The following RERE variants were observed in gnomAD, a reference collection of about 807,000 sequenced individuals.
RERE encodes the protein arginine-glutamic acid dipeptide repeats.
In RERE, 40 loss-of-function variants were observed where a neutral mutation model predicts 146.1. The ratio of observed to expected loss-of-function variants is 0.27; its 90% CI spans 0.21 to 0.36. The LOEUF (loss-of-function observed/expected upper bound fraction) is 0.36, where lower values mean the gene tolerates loss of function less well. Among genes scored for constraint, RERE ranks in the 10% least tolerant of loss-of-function variants. RERE has a pLI of 1.00. For missense variants in RERE, 1,933 were observed against 2,138.7 expected (o/e 0.90, Z 1.90); for synonymous variants, 1,003 against 866.0 (o/e 1.16, Z -2.78).
chr1:8,597,553 A>T (rs1646569839), intron 4 of RERE, among the ~76,000 whole-genome samples: 1 of 152,218 alleles, frequency 6.6e-6, no homozygotes, highest in Admixed American at 6.5e-5. Context: ...AAAATTCCAT[A>T]ATTAAAACAC....
chr1:8,694,029 CAAAAAA>C (rs144018056), intron 1 of RERE, among the ~76,000 whole-genome samples: 1 of 120,566 alleles, frequency 8.3e-6, no homozygotes, highest in Non-Finnish European at 1.7e-5. Flanking sequence ...TTTTCTTTCC[CAAAAAA>C]AAAAAAAAAA....
At chr1:8,637,992 C>T (rs1356337573) in intron 2 of RERE, among the ~76,000 whole-genome samples, 1 of 152,210 alleles carries the variant, frequency 6.6e-6, no homozygotes, top group South Asian at 2.1e-4. Flanking sequence ...AGTCCAACAA[C>T]ACAGAACTAG....
Position 8,369,644 on chromosome 1 carries a change from AACTGTCATCC to A in RERE, c.1285-3680_1285-3671del, listed in dbSNP as rs540580035. Among the ~76,000 whole-genome samples, 403 of 152,196 alleles carry A rather than the reference AACTGTCATCC, an allele frequency of 2.6e-3. 1 individual carries two copies. Among genetic ancestry groups the A allele is most frequent in the Admixed American group, 4.6e-3 (71 of 15,290 alleles). On this transcript the variant is annotated intron_variant, in intron 12 of 22. Transcript: ENST00000400908. ...TTCAGGAAGGTGACAGGGTGACCAG[AACTGTCATCC>A]ACTGCTGGTGGAAATACAGAATGCT...
intron 7 of RERE, 36 bp downstream of exon 7, chr1:8,541,178 G>C (rs201336239): frequency 1.1e-4 from 132 of 1,148,192 alleles, no homozygotes; most frequent in Non-Finnish European, 1.7e-4. Flanking sequence ...AAAAGGAAAA[G>C]AGTTCTCAAT....
intron 1 of RERE, among the ~76,000 whole-genome samples, chr1:8,695,776 C>T (rs1006784137): frequency 1.6e-4 from 24 of 151,614 alleles, no homozygotes; most frequent in African/African-American, 5.6e-4. Context: ...ACAAAACTGT[C>T]AACAAAGTAA....
intron 9 of RERE, among the ~76,000 whole-genome samples, chr1:8,495,622 T>C (rs1453577974): frequency 6.6e-6 from 1 of 152,072 alleles, no homozygotes. Context: ...CAAAAATAAA[T>C]TTAAGTTCCT....
intron 1 of RERE, among the ~76,000 whole-genome samples, chr1:8,686,263 G>A (rs1639084324): frequency 6.6e-6 from 1 of 152,122 alleles, no homozygotes; most frequent in African/African-American, 2.4e-5. Context: ...GATTACAGGT[G>A]TAAGCCACTG....
chr1:8,674,028 T>G (rs1638780571), intron 1 of RERE, among the ~76,000 whole-genome samples: 1 of 152,156 alleles, frequency 6.6e-6, no homozygotes, highest in Non-Finnish European at 1.5e-5. Flanking sequence ...ATAAGACCTA[T>G]CTCAAAAATA....
Position 8,358,688 on chromosome 1 carries a change from G to A in RERE, c.3847C>T (p.Pro1283Ser), listed in dbSNP as rs778692247. 4.3e-5 allele frequency: 69 copies of A among 1,588,336 alleles called. 1 individual carries two copies. The Middle Eastern group carries it at 8.5e-4, about 19-fold the overall frequency. Residue 1283 changes from proline to serine, a missense_variant, in exon 20 of 23, where the codon CCC becomes TCC. Physicochemically the swap from Pro to Ser is moderately conservative, Grantham distance 74. Around this residue, in one of 11 missense-constraint regions of RERE, gnomAD observed 1,255 missense variants for 1,153.8 expected, o/e 1.09. Transcript: ENST00000400908. ...PFYMPLNPTD[P>S]LLAYHMPGLY... ...CCAGGCATGTGGTAGGCCAGCAGGG[G>A]GTCCGTGGGGTTAAGGGGCATGTAG...
intron 4 of RERE, among the ~76,000 whole-genome samples, chr1:8,574,674 A>G (rs1646268232): frequency 6.6e-6 from 1 of 152,206 alleles, no homozygotes; most frequent in South Asian, 2.1e-4. Context: ...AAAATCAGAC[A>G]CGAACAAATA....
intron 1 of RERE, among the ~76,000 whole-genome samples, chr1:8,789,282 CAAAAAAAA>C (rs58993452): frequency 2.6e-5 from 1 of 38,496 alleles, no homozygotes; most frequent in Non-Finnish European, 4.2e-5. Flanking sequence ...TCCTCTCTAC[CAAAAAAAA>C]AAAAAAAAAA....
chr1:8,633,796 GC>G (rs1210328055), intron 2 of RERE, among the ~76,000 whole-genome samples: 3 of 152,218 alleles, frequency 2.0e-5, no homozygotes, highest in African/African-American at 7.2e-5. Flanking sequence ...AGGTGTGATG[GC>G]GTGCACCTGT....
At position 8,364,704 on chromosome 1, in the gene RERE, T is replaced by G. The variant is rs772825316; in HGVS notation, c.1540+42A>C. The G allele has an allele frequency of 1.2e-5, 18 of 1,441,402 alleles. No individual in the cohort carries two copies. In the East Asian group the frequency reaches 2.9e-4, roughly 24 times the overall value. 89.3% of individuals were successfully genotyped at this position (1,441,402 alleles called of 1,614,324 possible). ...GAAATGTTCAGAACATGGAAGTGCTTGTGCCCCCGCCCCGCCCCAGGAGCG... is the reference window on the plus strand; with the variant it reads ...GAAATGTTCAGAACATGGAAGTGCTGGTGCCCCCGCCCCGCCCCAGGAGCG... On this transcript the variant is annotated intron_variant, in intron 14 of 22. Coordinates refer to ENST00000400908, the MANE Select transcript of RERE (RefSeq NM_001042681.2). This position sits in a 1 kb window ranked among gnomAD's most constrained non-coding sequence, Gnocchi z 5.1.
chr1:8,453,822 T>G (rs2124081555), intron 11 of RERE, among the ~76,000 whole-genome samples: 1 of 152,308 alleles, frequency 6.6e-6, no homozygotes, highest in East Asian at 1.9e-4. Context: ...AAAAAATTTT[T>G]TTTTAATTCA....
At chr1:8,439,216 A>G (rs1342028291) in intron 11 of RERE, among the ~76,000 whole-genome samples, 1 of 152,254 alleles carries the variant, frequency 6.6e-6, no homozygotes, top group Admixed American at 6.5e-5. Flanking sequence ...GCTCTCTGCT[A>G]AACACTACAT....
intron 12 of RERE, 47 bp downstream of exon 12, chr1:8,422,680 G>T: frequency 2.2e-6 from 3 of 1,358,866 alleles, no homozygotes; most frequent in South Asian, 2.3e-5. Context: ...GAGGCAGCAG[G>T]AGCAAAGAGG....
In RERE at chr1:8,364,583, A is replaced by C. The variant is rs1383121734; in HGVS notation, c.1540+163T>G. ...CATACCGACTGCCAAGCAGAGGAGT[A>C]AAGTAAACTAAACATTTCTAACTTT... On this transcript the variant is annotated intron_variant, in intron 14 of 22. Coordinates refer to ENST00000400908, the MANE Select transcript of RERE (RefSeq NM_001042681.2). The surrounding 1 kb of genome is among the most constrained non-coding windows in gnomAD (Gnocchi z 5.1). 6.6e-6 allele frequency among the ~76,000 whole-genome samples: 1 copy of C among 152,202 alleles called. No homozygotes were observed. The highest frequency in any genetic ancestry group is 2.4e-5 in the African/African-American group (1 of 41,450).
rs950183159 is a variant in RERE at position 8,396,416 on chromosome 1, C to T, written c.1284+26311G>A. On this transcript the variant is annotated intron_variant, in intron 12 of 22. Transcript: ENST00000400908. ...CAGTTATCACAGAGCCGAGAGGAAA[C>T]CAGTCCCCTATTATCAAATCCTCTT... Among the ~76,000 whole-genome samples the T allele has an allele frequency of 5.3e-5, 8 of 152,124 alleles. 1 individual carries two copies. The highest frequency in any genetic ancestry group is 1.9e-4 in the African/African-American group (8 of 41,434).
intron 1 of RERE, among the ~76,000 whole-genome samples, chr1:8,789,301 A>AAAAAAAAAAAAAATATAT: frequency 8.1e-5 from 2 of 24,812 alleles, no homozygotes; most frequent in African/African-American, 4.6e-4. Context: ...AAAAAAAAAA[A>AAAAAAAAAAAAAATATAT]ATATATATAT....
Sources: gnomAD v4.1 joint callset for allele counts (sites outside exome capture counted in the v4.1 genomes callset) on GRCh38, gnomAD v4.1.1 for gene constraint, gnomAD v4.1.1 regional missense constraint, Gnocchi (gnomAD v3.1) non-coding constraint, MANE v1.5 for transcripts, NCBI Gene and HGNC (gene_info 2026-07-23, HGNC 2026-07-21) for gene names.